The following ADGRL4 variants were observed in gnomAD, a reference collection of about 807,000 sequenced individuals.
ADGRL4 encodes adhesion G protein-coupled receptor L4, also known as EGF, latrophilin and seven transmembrane domain containing 1.
ADGRL4 carries 90 observed loss-of-function variants against 74.8 expected under a neutral mutation model. The observed-to-expected ratio is 1.20, with a 90% CI of 1.02 to 1.43. The LOEUF (loss-of-function observed/expected upper bound fraction) is 1.43, where lower values mean the gene tolerates loss of function less well. Ranked by LOEUF, ADGRL4 falls within the 40% of genes most tolerant of loss-of-function variation. ADGRL4 has a pLI of 0.00. For missense variants in ADGRL4, 881 were observed against 814.3 expected, an observed-to-expected ratio of 1.08 and a Z score of -1.00; for synonymous variants, 311 against 279.2, an observed-to-expected ratio of 1.11 and a Z score of -1.14.
chr1:79,003,052 C>T (rs1650876285), intron 2 of ADGRL4, among the ~76,000 whole-genome samples: 1 of 151,974 alleles, frequency 6.6e-6, no homozygotes, highest in Non-Finnish European at 1.5e-5. Context: ...TTCGATTCCT[C>T]AAGAAATAGG....
chr1:78,896,458 AT>A (rs1648402080), intron 12 of ADGRL4, among the ~76,000 whole-genome samples: 1 of 151,700 alleles, frequency 6.6e-6, no homozygotes, highest in Admixed American at 6.6e-5. Context: ...CAAATAACCT[AT>A]TTTTTTCTGC....
Position 79,005,139 on chromosome 1 carries a change from T to G in ADGRL4, c.103A>C (p.Ile35Leu), listed in dbSNP as rs368762765. ...TPCLPNAKCE[I>L]RNGIEACYCN... ...TAGCAGGCTTCAATTCCATTGCGTA[T>G]TTCACATTTTGCATTTGGGAGACAA... The change falls in exon 2 of 15, where the codon ATA becomes CTA. Residue 35 changes from isoleucine to leucine, a missense_variant. Coordinates refer to ENST00000370742, the MANE Select transcript of ADGRL4 (RefSeq NM_022159.4). 193 of 1,613,588 alleles carry G rather than the reference T, an allele frequency of 1.2e-4. No homozygotes were observed. Among genetic ancestry groups the G allele is most frequent in the Non-Finnish European group, 1.6e-4 (191 of 1,179,780 alleles).
intron 12 of ADGRL4, among the ~76,000 whole-genome samples, chr1:78,913,791 T>TAAAAC (rs1388815109): frequency 6.6e-6 from 1 of 151,758 alleles, no homozygotes; most frequent in Non-Finnish European, 1.5e-5. Flanking sequence ...TTAAATAAAA[T>TAAAAC]AAAACAAAAC....
intron 7 of ADGRL4, among the ~76,000 whole-genome samples, chr1:78,929,730 T>A (rs1359580858): frequency 6.6e-6 from 1 of 151,524 alleles, no homozygotes; most frequent in Admixed American, 6.6e-5. Context: ...ATTTTCTTAC[T>A]CTCCTTTACT....
In ADGRL4 at chr1:78,917,888, C is replaced by A. The variant is rs1364452781; in HGVS notation, c.1624G>T (p.Ala542Ser). 1 of 1,612,536 alleles carries A rather than the reference C, an allele frequency of 6.2e-7. No individual in the cohort carries two copies. The highest frequency in any genetic ancestry group is 2.2e-5 in the East Asian group (1 of 44,812). ...NFYIFGYLSP[A>S]VVVGFSAALG... The stretch of plus-strand genomic sequence containing the variant: ...GCTGCCGAAAATCCAACTACCACGG[C>A]TGGGCTTAGATAGCCAAAGATATAA... The change falls in exon 11 of 15, where the codon GCC (alanine) becomes TCC (serine). Residue 542 changes from alanine (A) to serine (S), a missense_variant. Coordinates refer to ENST00000370742, the MANE Select transcript of ADGRL4 (RefSeq NM_022159.4).
chr1:78,895,573 C>T (rs911405702), intron 12 of ADGRL4, among the ~76,000 whole-genome samples: 2 of 151,978 alleles, frequency 1.3e-5, no homozygotes, highest in African/African-American at 4.8e-5. Context: ...TGGATTTAAT[C>T]AGTTATGATG....
chr1:78,903,366 A>G (rs748953181), intron 12 of ADGRL4, among the ~76,000 whole-genome samples: 7 of 152,164 alleles, frequency 4.6e-5, no homozygotes, highest in Non-Finnish European at 8.8e-5. Flanking sequence ...AGAAAATGAC[A>G]AACTGACATT....
intron 1 of ADGRL4, 32 bp downstream of exon 1, chr1:79,006,601 G>C: frequency 3.3e-6 from 5 of 1,533,422 alleles, no homozygotes; most frequent in Non-Finnish European, 4.4e-6. Context: ...TCCCTCCGAC[G>C]ACCTCGGCGA....
intron 2 of ADGRL4, among the ~76,000 whole-genome samples, chr1:78,979,926 T>C (rs1414042566): frequency 2.0e-5 from 3 of 151,824 alleles, no homozygotes; most frequent in Non-Finnish European, 2.9e-5. Flanking sequence ...ATATTACATA[T>C]TGGGTACAGG....
chr1:78,977,029 G>C (rs1650299592), intron 2 of ADGRL4, among the ~76,000 whole-genome samples: 1 of 151,616 alleles, frequency 6.6e-6, no homozygotes, highest in Non-Finnish European at 1.5e-5. Context: ...AAATATAATT[G>C]TAACACTTAA....
chr1:78,961,794 C>A (rs1435693041), intron 2 of ADGRL4, among the ~76,000 whole-genome samples: 1 of 151,978 alleles, frequency 6.6e-6, no homozygotes, highest in Non-Finnish European at 1.5e-5. Flanking sequence ...GCATATAGAA[C>A]CTTTGTTACC....
At chr1:78,956,852 A>C (rs1057403681) in intron 2 of ADGRL4, among the ~76,000 whole-genome samples, 1 of 152,162 alleles carries the variant, frequency 6.6e-6, no homozygotes, top group Admixed American at 6.6e-5. Flanking sequence ...TTGTCTTACT[A>C]AGCCTCACTT....
At chr1:78,984,290 G>T (rs1479832944) in intron 2 of ADGRL4, among the ~76,000 whole-genome samples, 2 of 151,676 alleles carry the variant, frequency 1.3e-5, no homozygotes, top group South Asian at 2.1e-4. Context: ...GTAGGAGATT[G>T]GTGCTAAAAT....
intron 3 of ADGRL4, among the ~76,000 whole-genome samples, chr1:78,940,800 G>A (rs1489124340): frequency 5.3e-5 from 8 of 152,086 alleles, no homozygotes; most frequent in Admixed American, 5.2e-4. Context: ...TATCTTAAAT[G>A]CAGGTGTTCG....
chr1:78,958,982 G>C (rs1278740502), intron 2 of ADGRL4, among the ~76,000 whole-genome samples: 1 of 152,178 alleles, frequency 6.6e-6, no homozygotes, highest in African/African-American at 2.4e-5. Flanking sequence ...ACACGTTTAT[G>C]ACTTGCTGAA....
At chr1:79,002,134 T>A (rs1650857009) in intron 2 of ADGRL4, among the ~76,000 whole-genome samples, 1 of 152,094 alleles carries the variant, frequency 6.6e-6, no homozygotes, top group Admixed American at 6.6e-5. Flanking sequence ...ATAATGTTTA[T>A]AAGATAAATG....
At chr1:78,937,213 G>A (rs12405227) in intron 6 of ADGRL4, among the ~76,000 whole-genome samples, 13,501 of 152,212 alleles carry the variant, frequency 0.089, 791 homozygotes, top group East Asian at 0.33. Context: ...AGGAGACCGA[G>A]GCAAGTGGAT....
At chr1:78,968,219 A>G (rs541671345) in intron 2 of ADGRL4, among the ~76,000 whole-genome samples, 2 of 152,082 alleles carry the variant, frequency 1.3e-5, no homozygotes, top group East Asian at 3.9e-4. Flanking sequence ...TTTTTTGTCA[A>G]TTGTGTTTCC....
In ADGRL4 at chr1:78,936,308, T is replaced by A. The variant is rs571774997; in HGVS notation, c.864A>T (p.Ala288=). The change falls in exon 7 of 15, where the codon GCA becomes GCT. Residue 288 remains alanine (A), a synonymous_variant. Transcript: ENST00000370742. ...TTAAAGTCCTACCATTTGAATCATA[T>A]GCAGCTTTTCTCTTTGGAAATATAT... ...YINIFPKRKA[A]YDSNGNVAVA... is the part of the protein sequence containing the mutation. 1 of 1,594,264 alleles carries A rather than the reference T, an allele frequency of 6.3e-7. No homozygotes were observed. The highest frequency in any genetic ancestry group is 1.8e-5 in the Admixed American group (1 of 55,430).
Sources: allele counts gnomAD v4.1 joint callset (sites outside exome capture counted in the v4.1 genomes callset), GRCh38; gene constraint gnomAD v4.1.1; transcripts MANE v1.5; gene names NCBI Gene and HGNC (gene_info 2026-07-23, HGNC 2026-07-21).